DLG2: variants seen among roughly 807,000 people sequenced by gnomAD.
The protein encoded by DLG2 is disks large homolog 2.
A neutral mutation model predicts 132.5 loss-of-function variants in DLG2; 45 were observed. That is an observed-to-expected ratio of 0.34 (90% confidence interval 0.27 to 0.44). The LOEUF (loss-of-function observed/expected upper bound fraction) is 0.44. Ranked by LOEUF, DLG2 falls within the 20% of genes least tolerant of loss-of-function variation. The probability of loss-of-function intolerance (pLI) is 1.00; values close to 1 mark genes in which losing one functional copy is unlikely to be tolerated. For synonymous variants in DLG2, 424 were observed against 419.6 expected (o/e 1.01, Z -0.13); for missense variants, 1,045 against 1,196.9 (o/e 0.87, Z 1.87).
chr11:84,617,346 G>A (rs560901794), intron 6 of DLG2, among the ~76,000 whole-genome samples: 97 of 152,140 alleles, frequency 6.4e-4, no homozygotes, highest in African/African-American at 2.2e-3. Flanking sequence ...AGTATTCCAC[G>A]GTGAATATGT....
At chr11:83,535,324 T>G (rs995912985) in intron 20 of DLG2, among the ~76,000 whole-genome samples, 1 of 152,216 alleles carries the variant, frequency 6.6e-6, no homozygotes, top group South Asian at 2.1e-4. Flanking sequence ...GATCAGGGTA[T>G]GCAAATAAAT....
intron 19 of DLG2, among the ~76,000 whole-genome samples, chr11:83,556,521 C>T (rs376693219): frequency 2.0e-5 from 3 of 152,052 alleles, no homozygotes; most frequent in East Asian, 1.9e-4. Flanking sequence ...CACAGGCGTG[C>T]GCCAAACTGC....
chr11:84,558,198 T>TA (rs1273611348), intron 6 of DLG2, among the ~76,000 whole-genome samples: 1 of 152,112 alleles, frequency 6.6e-6, no homozygotes, highest in Non-Finnish European at 1.5e-5. Flanking sequence ...CTTGAACAAA[T>TA]AAAAAAACTT....
At chr11:83,473,796 G>A (rs2043208) in intron 22 of DLG2, among the ~76,000 whole-genome samples, 40,499 of 151,938 alleles carry the variant, frequency 0.27, 6,473 homozygotes, top group African/African-American at 0.45. Context: ...ATCAATGCCA[G>A]GTTTTCCTCC....
intron 6 of DLG2, among the ~76,000 whole-genome samples, chr11:84,641,499 TA>T (rs1324451703): frequency 2.0e-5 from 3 of 152,152 alleles, no homozygotes; most frequent in Non-Finnish European, 4.4e-5. Context: ...GCTCAAAGCC[TA>T]ATGATGAGAA....
chr11:83,834,264 C>T (rs544007813), intron 16 of DLG2, among the ~76,000 whole-genome samples: 2 of 152,236 alleles, frequency 1.3e-5, no homozygotes, highest in South Asian at 4.1e-4. Flanking sequence ...ATTAAGAATA[C>T]TTAAATTCAT....
chr11:84,881,137 A>G (rs548327689), intron 6 of DLG2, among the ~76,000 whole-genome samples: 1 of 152,262 alleles, frequency 6.6e-6, no homozygotes, highest in South Asian at 2.1e-4. Context: ...GTGGGGGACA[A>G]CAAAAATTAG....
At chr11:84,709,338 G>A (rs1343209633) in intron 6 of DLG2, among the ~76,000 whole-genome samples, 1 of 151,772 alleles carries the variant, frequency 6.6e-6, no homozygotes, top group African/African-American at 2.4e-5. Context: ...TTCTTTCTAG[G>A]TTATTTCATA....
At chr11:84,384,841 T>C (rs981052103) in intron 7 of DLG2, among the ~76,000 whole-genome samples, 2 of 151,866 alleles carry the variant, frequency 1.3e-5, no homozygotes, top group Non-Finnish European at 2.9e-5. Context: ...GGTGGCAGAG[T>C]GTTGGTACTG....
At chr11:83,924,978 C>T (rs11233813) in intron 15 of DLG2, among the ~76,000 whole-genome samples, 7,557 of 152,128 alleles carry the variant, frequency 0.05, 249 homozygotes, top group Middle Eastern at 0.13. Context: ...TATGTTAATG[C>T]CTCTGCAGAA....
At chr11:84,248,663 T>C (rs919536343) in intron 8 of DLG2, among the ~76,000 whole-genome samples, 7 of 152,116 alleles carry the variant, frequency 4.6e-5, no homozygotes, top group Admixed American at 6.6e-5. Context: ...AAGATCAGCC[T>C]GGCCAACATG....
chr11:85,153,335 A>G (rs915981381), intron 5 of DLG2, among the ~76,000 whole-genome samples: 1 of 152,178 alleles, frequency 6.6e-6, no homozygotes, highest in South Asian at 2.1e-4. Context: ...AGTTGTTCCC[A>G]TAATTGAATT....
Position 84,964,282 on chromosome 11 carries a change from A to C in DLG2, c.357+147379T>G, listed in dbSNP as rs537161244. Among the ~76,000 whole-genome samples, 6 of 152,238 alleles carry C rather than the reference A, an allele frequency of 3.9e-5. No homozygotes were observed. The South Asian group carries it at 1.2e-3, about 32-fold the overall frequency. ...GAAATTCATATACAACCTTCAGGTC[A>C]ATTTCCAGATAATATCTGATCCTTG... On this transcript the variant is annotated intron_variant, in intron 6 of 27. Transcript: ENST00000376104.
intron 6 of DLG2, among the ~76,000 whole-genome samples, chr11:84,735,869 T>C (rs1221992816): frequency 6.6e-6 from 1 of 152,026 alleles, no homozygotes; most frequent in Non-Finnish European, 1.5e-5. Flanking sequence ...TGTCTTTTCA[T>C]TCTTATCAGT....
chr11:83,996,519 A>G (rs992773665), intron 11 of DLG2, among the ~76,000 whole-genome samples: 2 of 152,338 alleles, frequency 1.3e-5, no homozygotes, highest in Non-Finnish European at 2.9e-5. Flanking sequence ...CTGCACTCTC[A>G]TGCTTATTGC....
In DLG2 at chr11:85,154,541, C is replaced by T. The variant is rs376519857; in HGVS notation, c.282+15G>A. The T allele has an allele frequency of 1.2e-5, 16 of 1,281,352 alleles. No homozygotes were observed. The African/African-American group carries it at 2.4e-4, about 19-fold the overall frequency. The allele number at this position is 1,281,352 out of a possible 1,614,324, so 79.4% of individuals were successfully genotyped here. A position where few individuals can be genotyped will look rare whatever the true frequency, so the allele number is the denominator to read the frequency against. ...CATGAAGCCTAGTAAGAAAAGAAAA[C>T]AGTATAACACTTACAGTTGTCGTCT... On this transcript the variant is annotated intron_variant, in intron 5 of 27. Coordinates refer to ENST00000376104, the MANE Select transcript of DLG2 (RefSeq NM_001142699.3).
chr11:84,626,648 C>T (rs1052854748), intron 6 of DLG2, among the ~76,000 whole-genome samples: 1 of 152,078 alleles, frequency 6.6e-6, no homozygotes, highest in African/African-American at 2.4e-5. Flanking sequence ...CTTATAAAAT[C>T]AGCAACAAGG....
At chr11:83,637,301 T>C (rs1174104990) in intron 18 of DLG2, among the ~76,000 whole-genome samples, 1 of 152,168 alleles carries the variant, frequency 6.6e-6, no homozygotes, top group African/African-American at 2.4e-5. Flanking sequence ...TTCATAACAC[T>C]GTCTTGATTC....
At chr11:83,783,713 G>C (rs2094928417) in intron 18 of DLG2, among the ~76,000 whole-genome samples, 1 of 152,020 alleles carries the variant, frequency 6.6e-6, no homozygotes, top group Non-Finnish European at 1.5e-5. Flanking sequence ...TTGTAGTTTA[G>C]CAAGATATTC....
Sources: gnomAD v4.1 joint callset for allele counts (sites outside exome capture counted in the v4.1 genomes callset) on GRCh38, gnomAD v4.1.1 for gene constraint, MANE v1.5 for transcripts, NCBI Gene and HGNC (gene_info 2026-07-23, HGNC 2026-07-21) for gene names.